MALRD1: variants seen among roughly 807,000 people sequenced by gnomAD.
MALRD1 encodes the protein MAM and LDL-receptor class A domain-containing protein 1.
MALRD1 carries 247 observed loss-of-function variants against 242.1 expected under a neutral mutation model. The ratio of observed to expected loss-of-function variants is 1.02; its 90% CI spans 0.92 to 1.13. The LOEUF is 1.13. Among genes scored for constraint, MALRD1 ranks in the 50% most tolerant of loss-of-function variants. The pLI is 0.00. For missense variants in MALRD1, 2,989 were observed against 2,533.1 expected (o/e 1.18, Z -3.86); for synonymous variants, 995 against 866.6 (o/e 1.15, Z -2.60).
chr10:19,135,970 A>C (rs1833319770), intron 9 of MALRD1, among the ~76,000 whole-genome samples: 1 of 152,192 alleles, frequency 6.6e-6, no homozygotes, highest in Non-Finnish European at 1.5e-5. Context: ...ATTTACTTTA[A>C]TTGACACTTC....
intron 4 of MALRD1, among the ~76,000 whole-genome samples, chr10:19,101,921 A>C (rs1165063569): frequency 1.4e-5 from 2 of 138,222 alleles, no homozygotes; most frequent in Non-Finnish European, 3.0e-5. Flanking sequence ...ATTATATATA[A>C]TCTCCAAGTA....
chr10:19,494,553 C>T (rs908108632), intron 30 of MALRD1, among the ~76,000 whole-genome samples: 8 of 152,054 alleles, frequency 5.3e-5, no homozygotes, highest in Non-Finnish European at 1.0e-4. Flanking sequence ...CAGGAGCTGA[C>T]GGATGAAATA....
intron 38 of MALRD1, among the ~76,000 whole-genome samples, chr10:19,699,490 C>A: frequency 6.6e-6 from 1 of 152,066 alleles, no homozygotes; most frequent in East Asian, 1.9e-4. Context: ...TGATGCCCTT[C>A]CTGGAGAGGG....
At chr10:19,474,777 A>G (rs886349758) in intron 29 of MALRD1, among the ~76,000 whole-genome samples, 1 of 152,188 alleles carries the variant, frequency 6.6e-6, no homozygotes, top group Admixed American at 6.5e-5. Flanking sequence ...CTATAAATCA[A>G]GAACTGTTTT....
At chr10:19,469,369 G>A (rs1335455823) in intron 29 of MALRD1, among the ~76,000 whole-genome samples, 2 of 151,928 alleles carry the variant, frequency 1.3e-5, no homozygotes, top group African/African-American at 4.8e-5. Context: ...GACTTTTTTA[G>A]TTTTAGCACA....
intron 33 of MALRD1, among the ~76,000 whole-genome samples, chr10:19,588,164 A>G (rs1395819903): frequency 1.3e-5 from 2 of 151,964 alleles, no homozygotes; most frequent in East Asian, 3.9e-4. Context: ...TTTTTTAAAG[A>G]CCTTTCCAAT....
chr10:19,535,435 T>C (rs1382131550), intron 32 of MALRD1, among the ~76,000 whole-genome samples: 2 of 151,492 alleles, frequency 1.3e-5, no homozygotes. Context: ...AAAATGTGTA[T>C]ATGGCTATAG....
chr10:19,286,300 A>G, intron 21 of MALRD1, among the ~76,000 whole-genome samples: 1 of 145,842 alleles, frequency 6.9e-6, no homozygotes, highest in South Asian at 2.6e-4. Flanking sequence ...GTTGAATAGG[A>G]GCAGTGAGAG....
chr10:19,049,118 T>G lies in MALRD1; in HGVS notation c.180T>G (p.Asp60Glu). Reference protein sequence around the residue: ...SICDFTDQCGDSSDERHCLNY... With the variant: ...SICDFTDQCGESSDERHCLNY... ...GTGACTTCACAGATCAGTGTGGGGA[T>G]AGCAGTGATGAACGGCACTGTAAGT... is the stretch of plus-strand genomic sequence containing the variant. The change falls in exon 1 of 40, where the codon GAT (aspartate) becomes GAG (glutamate). Residue 60 changes from aspartate to glutamate, a missense_variant. Coordinates refer to ENST00000454679, the MANE Select transcript of MALRD1 (RefSeq NM_001142308.3). 8.1e-7 allele frequency: 1 copy of G among 1,233,884 alleles called. No individual in the cohort carries two copies. The highest frequency in any genetic ancestry group is 1.0e-6 in the Non-Finnish European group (1 of 988,136). The allele number at this position is 1,233,884 out of a possible 1,614,324, so 76.4% of individuals were successfully genotyped here.
At chr10:19,722,590 TAAAAAAAAAAAAAAAAAA>T (rs372286640) in intron 38 of MALRD1, 2 of 45,366 alleles carry the variant, frequency 4.4e-5, no homozygotes, top group Non-Finnish European at 7.2e-5. Flanking sequence ...ACCATGTCTC[TAAAAAAAAAAAAAAAAAA>T]AAAAAAAAAA....
intron 31 of MALRD1, among the ~76,000 whole-genome samples, chr10:19,513,285 C>T (rs898868994): frequency 6.6e-6 from 1 of 151,844 alleles, no homozygotes; most frequent in African/African-American, 2.4e-5. Flanking sequence ...CACTCTCTTG[C>T]TTCCTTTCTC....
chr10:19,462,703 T>A (rs1338093643), intron 29 of MALRD1, among the ~76,000 whole-genome samples: 1 of 152,214 alleles, frequency 6.6e-6, no homozygotes, highest in African/African-American at 2.4e-5. Context: ...TATAGAAGGA[T>A]ATTACACAGA....
chr10:19,061,591 G>T (rs183426639), intron 1 of MALRD1, among the ~76,000 whole-genome samples: 1 of 152,114 alleles, frequency 6.6e-6, no homozygotes, highest in African/African-American at 2.4e-5. Flanking sequence ...CATAAAGACA[G>T]CCATCTAGAC....
At chr10:19,109,201 C>T (rs762938853) in intron 5 of MALRD1, among the ~76,000 whole-genome samples, 1 of 152,140 alleles carries the variant, frequency 6.6e-6, no homozygotes, top group Non-Finnish European at 1.5e-5. Flanking sequence ...AGCTTCCCCA[C>T]TGGGGGTGGG....
At chr10:19,062,632 C>T (rs1032928612) in intron 1 of MALRD1, among the ~76,000 whole-genome samples, 1 of 152,162 alleles carries the variant, frequency 6.6e-6, no homozygotes, top group Non-Finnish European at 1.5e-5. Flanking sequence ...CACATACACA[C>T]AGAAAAACAT....
chr10:19,429,884 C>A (rs1381904500), intron 28 of MALRD1, among the ~76,000 whole-genome samples: 1 of 152,118 alleles, frequency 6.6e-6, no homozygotes, highest in Non-Finnish European at 1.5e-5. Flanking sequence ...AAATTCCCTA[C>A]CATCTTTAAG....
intron 26 of MALRD1, among the ~76,000 whole-genome samples, chr10:19,378,913 T>G (rs1377821893): frequency 1.3e-5 from 2 of 152,136 alleles, no homozygotes; most frequent in Non-Finnish European, 2.9e-5. Context: ...TGTTGTAGAA[T>G]TCATCAGCCA....
intron 36 of MALRD1, among the ~76,000 whole-genome samples, chr10:19,648,807 A>G (rs1168751249): frequency 6.6e-6 from 1 of 152,160 alleles, no homozygotes; most frequent in Non-Finnish European, 1.5e-5. Flanking sequence ...AATGTGTGTC[A>G]TGGGGATTTG....
In MALRD1 at chr10:19,128,218, C is replaced by T; in HGVS notation, c.944-3C>T. The stretch of plus-strand genomic sequence containing the variant: ...ATTGCTTCTTTTTTCTTTTATCTTT[C>T]AGGTTATTATGTATGGGTAGGCGCT... On this transcript the variant is annotated splice_region_variant and splice_polypyrimidine_tract_variant and intron_variant, in intron 7 of 39. Transcript: ENST00000454679. 8.1e-7 allele frequency: 1 copy of T among 1,233,046 alleles called. No individual in the cohort carries two copies. The highest frequency in any genetic ancestry group is 1.0e-6 in the Non-Finnish European group (1 of 987,518). The allele number at this position is 1,233,046 out of a possible 1,614,324, so 76.4% of individuals were successfully genotyped here.
Sources: gnomAD v4.1 joint callset for allele counts (sites outside exome capture counted in the v4.1 genomes callset) on GRCh38, gnomAD v4.1.1 for gene constraint, MANE v1.5 for transcripts, NCBI Gene and HGNC (gene_info 2026-07-23, HGNC 2026-07-21) for gene names.